Variants in SETBP1 observed in about 807,000 individuals in gnomAD.
The protein encoded by SETBP1 is SET binding protein 1.
A neutral mutation model predicts 101.0 loss-of-function variants in SETBP1; 9 were observed. The ratio of observed to expected loss-of-function variants is 0.09; its 90% confidence interval spans 0.05 to 0.16. The LOEUF (loss-of-function observed/expected upper bound fraction) is 0.16. SETBP1 is among the 10% of genes least tolerant of loss of function. The pLI is 1.00. For missense variants in SETBP1, 1,858 were observed against 2,033.8 expected (o/e 0.91, Z 1.66); for synonymous variants, 818 against 788.5 (o/e 1.04, Z -0.63).
intron 2 of SETBP1, among the ~76,000 whole-genome samples, chr18:44,753,231 T>C (rs551842476): frequency 6.6e-6 from 1 of 152,282 alleles, no homozygotes; most frequent in South Asian, 2.1e-4. Context: ...TGCTCTTGTG[T>C]TGGGACCAAT....
chr18:44,796,336 C>A (rs1026090023), intron 2 of SETBP1, among the ~76,000 whole-genome samples: 4 of 152,154 alleles, frequency 2.6e-5, no homozygotes, highest in Non-Finnish European at 4.4e-5. Context: ...AGAGCTAGAA[C>A]GGTTCCTGCC....
At chr18:44,711,557 G>A (rs1489499526) in intron 2 of SETBP1, among the ~76,000 whole-genome samples, 1 of 139,028 alleles carries the variant, frequency 7.2e-6, no homozygotes, top group African/African-American at 2.7e-5. Flanking sequence ...ACAGGGTCTT[G>A]CTCTGTTGCC....
chr18:44,886,742 T>C (rs1040304166), intron 3 of SETBP1, among the ~76,000 whole-genome samples: 1 of 142,584 alleles, frequency 7.0e-6, no homozygotes, highest in South Asian at 2.3e-4. Context: ...GAAAGATTGG[T>C]GGACTGTACA....
intron 2 of SETBP1, among the ~76,000 whole-genome samples, chr18:44,825,141 G>A (rs1387348946): frequency 6.6e-6 from 1 of 152,268 alleles, no homozygotes; most frequent in Non-Finnish European, 1.5e-5. Context: ...TAGACTTGGA[G>A]TTAGACTGGG....
chr18:44,758,657 C>T (rs1051353716), intron 2 of SETBP1, among the ~76,000 whole-genome samples: 2 of 152,248 alleles, frequency 1.3e-5, no homozygotes, highest in Admixed American at 6.5e-5. Flanking sequence ...GCTGGGATTA[C>T]AGGCGTGAGC....
intron 4 of SETBP1, chr18:44,987,326 CA>C (rs1188409199): frequency 6.6e-6 from 1 of 152,188 alleles, no homozygotes; most frequent in Non-Finnish European, 1.5e-5. Context: ...TTGAGACAGA[CA>C]GCAATAAGAT....
intron 2 of SETBP1, among the ~76,000 whole-genome samples, chr18:44,833,150 C>G (rs1281702573): frequency 6.6e-6 from 1 of 152,214 alleles, no homozygotes; most frequent in Non-Finnish European, 1.5e-5. Context: ...ATCACCATCA[C>G]CTTGGAGTTT....
chr18:45,007,069 C>T (rs942481672), intron 4 of SETBP1, among the ~76,000 whole-genome samples: 3 of 152,196 alleles, frequency 2.0e-5, no homozygotes, highest in Non-Finnish European at 4.4e-5. Context: ...TATAAACCTC[C>T]TCAGTATAAA....
At chr18:44,941,716 A>G (rs976114287) in intron 3 of SETBP1, among the ~76,000 whole-genome samples, 3 of 147,868 alleles carry the variant, frequency 2.0e-5, no homozygotes, top group Admixed American at 6.7e-5. Context: ...TGTTTACTCA[A>G]CTTCTCTTTT....
At chr18:44,870,512 T>G (rs2144687022) in intron 3 of SETBP1, 2 of 152,344 alleles carry the variant, frequency 1.3e-5, no homozygotes, top group East Asian at 3.9e-4. Flanking sequence ...GTAGTGAGTT[T>G]TTAGACAGAG....
intron 5 of SETBP1, among the ~76,000 whole-genome samples, chr18:45,055,264 G>A (rs1179562432): frequency 6.6e-6 from 1 of 152,100 alleles, no homozygotes; most frequent in Non-Finnish European, 1.5e-5. Context: ...AAAGCAGTGG[G>A]CTCCAGATTT....
intron 2 of SETBP1, among the ~76,000 whole-genome samples, chr18:44,754,280 C>T (rs561968173): frequency 1.3e-5 from 2 of 152,224 alleles, no homozygotes; most frequent in African/African-American, 4.8e-5. Flanking sequence ...GAACCTATTC[C>T]TCCAGATGTA....
chr18:44,835,832 TC>T (rs532422399), intron 2 of SETBP1, among the ~76,000 whole-genome samples: 421 of 152,340 alleles, frequency 2.8e-3, no homozygotes, highest in Admixed American at 7.9e-3. Flanking sequence ...GTGGCAGACT[TC>T]CTAGAAGCAT....
chr18:44,773,836 TTATGTG>T (rs2070932112), intron 2 of SETBP1, among the ~76,000 whole-genome samples: 3 of 36,338 alleles, frequency 8.3e-5, no homozygotes, highest in Admixed American at 6.5e-4. Flanking sequence ...CTCTCTCTGT[TTATGTG>T]TGTGTGTGTG....
intron 4 of SETBP1, among the ~76,000 whole-genome samples, chr18:45,015,114 G>A (rs1289012799): frequency 6.6e-6 from 1 of 152,180 alleles, no homozygotes; most frequent in Non-Finnish European, 1.5e-5. Flanking sequence ...ATTTTTCGGG[G>A]TCCAAGGCAC....
intron 3 of SETBP1, among the ~76,000 whole-genome samples, chr18:44,936,680 G>C (rs1307551239): frequency 6.6e-6 from 1 of 152,268 alleles, no homozygotes; most frequent in East Asian, 1.9e-4. Context: ...TCGGATGCCA[G>C]CCAACACAGA....
Position 45,063,975 on chromosome 18 carries a change from A to T in SETBP1, c.*277A>T. On this transcript the variant is annotated 3_prime_UTR_variant, in exon 6 of 6. Coordinates refer to ENST00000649279, the MANE Select transcript of SETBP1 (RefSeq NM_015559.3). ...GCTGGATCCTCCGCAGGCGAGCGGAAGGCCCCCAGGAGGAGCAGGCTGGTG... is the reference window on the plus strand; with the variant it reads ...GCTGGATCCTCCGCAGGCGAGCGGATGGCCCCCAGGAGGAGCAGGCTGGTG... The T allele has an allele frequency of 2.9e-6, 1 of 350,228 alleles. No homozygotes were observed. Among genetic ancestry groups the T allele is most frequent in the East Asian group, 5.9e-5 (1 of 16,986 alleles). 21.7% of individuals were successfully genotyped at this position (350,228 alleles called of 1,614,324 possible).
At chr18:44,751,616 T>C (rs1216948642) in intron 2 of SETBP1, among the ~76,000 whole-genome samples, 1 of 152,236 alleles carries the variant, frequency 6.6e-6, no homozygotes, top group African/African-American at 2.4e-5. Context: ...ATATCTTCTC[T>C]CTTTTGTTAT....
At chr18:44,726,469 C>G (rs2069708784) in intron 2 of SETBP1, among the ~76,000 whole-genome samples, 1 of 152,210 alleles carries the variant, frequency 6.6e-6, no homozygotes, top group Non-Finnish European at 1.5e-5. Context: ...TCTCATTTTG[C>G]TGATGAGTTA....
Sources: allele counts gnomAD v4.1 joint callset (sites outside exome capture counted in the v4.1 genomes callset), GRCh38; gene constraint gnomAD v4.1.1; transcripts MANE v1.5; gene names NCBI Gene and HGNC (gene_info 2026-07-23, HGNC 2026-07-21).